Variants in SULF2 observed in about 807,000 individuals in gnomAD.
The protein encoded by SULF2 is sulfatase 2, also known as extracellular sulfatase Sulf-2.
A neutral mutation model predicts 107.7 loss-of-function variants in SULF2; 52 were observed. The observed-to-expected ratio is 0.48, with a 90% CI of 0.39 to 0.61. The LOEUF (loss-of-function observed/expected upper bound fraction) is 0.61, where lower values mean the gene tolerates loss of function less well. SULF2 is among the 20% of genes least tolerant of loss of function. The pLI, the probability that SULF2 is intolerant of heterozygous loss-of-function variation, is 0.00. For synonymous variants in SULF2, 460 were observed against 464.3 expected, an observed-to-expected ratio of 0.99 and a Z score of 0.12; for missense variants, 993 against 1,177.3, an observed-to-expected ratio of 0.84 and a Z score of 2.29.
At chr20:47,676,725 T>C in intron 9 of SULF2, 102 bp from the exon 10 acceptor site, 1 of 1,443,314 alleles carries the variant, frequency 6.9e-7, no homozygotes, top group Non-Finnish European at 9.3e-7. Flanking sequence ...CGGCTCCGGC[T>C]TTTCCTCACA....
rs8182748 is a variant in SULF2 at position 47,707,149 on chromosome 20, T to C, written c.416-4479A>G. Reference sequence around the variant, plus strand: ...GGATTACAGGCATGGCCACCACACCTGGCTAATTTTTGTATTTTTAGTAGA... The same window carrying C: ...GGATTACAGGCATGGCCACCACACCCGGCTAATTTTTGTATTTTTAGTAGA... On this transcript the variant is annotated intron_variant, in intron 3 of 20. Transcript: ENST00000688720. 3.1e-3 allele frequency among the ~76,000 whole-genome samples: 473 copies of C among 151,764 alleles called. 11 individuals carry two copies. In the South Asian group the frequency reaches 0.051, roughly 16 times the overall value.
chr20:47,730,578 G>C (rs932806460), intron 3 of SULF2, among the ~76,000 whole-genome samples: 4 of 152,022 alleles, frequency 2.6e-5, no homozygotes, highest in Non-Finnish European at 5.9e-5. Flanking sequence ...AGCCTCCCTA[G>C]TAGCTGGGAT....
At chr20:47,695,059 C>T (rs1351196740) in intron 4 of SULF2, among the ~76,000 whole-genome samples, 6 of 152,200 alleles carry the variant, frequency 3.9e-5, no homozygotes, top group Admixed American at 6.5e-5. Flanking sequence ...TGGTTTAGAG[C>T]AAGTATGCAC....
chr20:47,690,687 C>A lies in SULF2; in HGVS notation c.568-392G>T, dbSNP rs111320495. 4.3e-4 allele frequency among the ~76,000 whole-genome samples: 65 copies of A among 152,020 alleles called. No homozygotes were observed. The East Asian group carries it at 0.011, about 26-fold the overall frequency. ...CAGTTTGAGACCAGCCTGGCCAACA[C>A]GGTGAAACACCATCTCTACTAAAAA... is the stretch of plus-strand genomic sequence containing the variant. On this transcript the variant is annotated intron_variant, in intron 4 of 20. Coordinates refer to ENST00000688720, the MANE Select transcript of SULF2 (RefSeq NM_001387048.1).
rs529504601 is a variant in SULF2, at chr20:47,734,315, T to C, written c.415+2388A>G. Among the ~76,000 whole-genome samples, 30 of 152,338 alleles carry C rather than the reference T, an allele frequency of 2.0e-4. No individual in the cohort carries two copies. In the South Asian group the frequency reaches 4.8e-3, roughly 24 times the overall value. ...GGCCACGTGAACACAGGGTTTAACA[T>C]GGCTGAAGACTCAGCAGGAACAATT... On this transcript the variant is annotated intron_variant, in intron 3 of 20. Transcript: ENST00000688720.
intron 5 of SULF2, among the ~76,000 whole-genome samples, chr20:47,686,760 G>A (rs532068769): frequency 2.0e-5 from 3 of 152,296 alleles, no homozygotes; most frequent in East Asian, 3.9e-4. Context: ...TATGTAAGGC[G>A]GGAGGTGAGT....
chr20:47,660,260 G>C (rs1373779498), intron 18 of SULF2, among the ~76,000 whole-genome samples: 1 of 152,252 alleles, frequency 6.6e-6, no homozygotes, highest in African/African-American at 2.4e-5. Context: ...CTGGCACACA[G>C]TGACTAATAT....
chr20:47,756,742 T>C (rs11086227), intron 2 of SULF2, among the ~76,000 whole-genome samples: 21,494 of 151,396 alleles, frequency 0.14, 1,924 homozygotes, highest in South Asian at 0.38. Context: ...TTCTCCTGGA[T>C]TCAAGTGATT....
chr20:47,699,276 T>C (rs2088483946), intron 4 of SULF2, among the ~76,000 whole-genome samples: 1 of 152,100 alleles, frequency 6.6e-6, no homozygotes, highest in African/African-American at 2.4e-5. Context: ...GCATGGTACC[T>C]GGTACACAGC....
intron 2 of SULF2, among the ~76,000 whole-genome samples, chr20:47,741,285 G>T (rs1310642945): frequency 1.3e-5 from 2 of 149,758 alleles, no homozygotes; most frequent in East Asian, 3.9e-4. Context: ...GCAGCCACAG[G>T]GTCCCCTGCT....
chr20:47,663,206 G>C lies in SULF2; in HGVS notation c.2234C>G (p.Pro745Arg), dbSNP rs1224714383. The part of the protein sequence containing the change: ...WQTAPFWTLG[P>R]FCACTSANNN... The stretch of plus-strand genomic sequence containing the variant: ...GTTGGCGCTGGTGCAGGCACAGAAA[G>C]GCCCCACTGCCAAGGAAGAGAGAGC... The change falls in exon 17 of 21, where the codon CCT becomes CGT. Residue 745 changes from proline (P) to arginine (R), a missense_variant. This residue lies in a region of SULF2 where 497 missense variants were observed against 544.1 expected (regional missense o/e 0.91). Transcript: ENST00000688720. 6.2e-7 allele frequency: 1 copy of C among 1,614,110 alleles called. No homozygotes were observed. Among genetic ancestry groups the C allele is most frequent in the East Asian group, 2.2e-5 (1 of 44,890 alleles).
At chr20:47,742,013 C>T (rs1323290446) in intron 2 of SULF2, among the ~76,000 whole-genome samples, 1 of 152,222 alleles carries the variant, frequency 6.6e-6, no homozygotes, top group Non-Finnish European at 1.5e-5. Context: ...AGCACTCACC[C>T]TTCCCAAATC....
chr20:47,722,686 C>T (rs1381052484), intron 3 of SULF2, among the ~76,000 whole-genome samples: 1 of 152,112 alleles, frequency 6.6e-6, no homozygotes, highest in Non-Finnish European at 1.5e-5. Flanking sequence ...AATCCCAGCA[C>T]TTTGGGAGGC....
intron 1 of SULF2, among the ~76,000 whole-genome samples, chr20:47,761,061 G>A (rs756927145): frequency 2.6e-5 from 4 of 152,142 alleles, no homozygotes; most frequent in African/African-American, 4.8e-5. Flanking sequence ...CAGTGTGCTG[G>A]GACTAGAGCC....
At chr20:47,751,775 T>C (rs933800272) in intron 2 of SULF2, among the ~76,000 whole-genome samples, 5 of 152,220 alleles carry the variant, frequency 3.3e-5, no homozygotes, top group African/African-American at 9.6e-5. Flanking sequence ...ACTGAGAGAA[T>C]CCAGGCTGAC....
At chr20:47,757,573 A>G (rs371372096) in intron 1 of SULF2, 110 bp from the exon 2 acceptor site, 19 of 578,018 alleles carry the variant, frequency 3.3e-5, no homozygotes, top group East Asian at 1.2e-4. Flanking sequence ...GTTTCTTTGA[A>G]CAGGGGTGGC....
chr20:47,704,916 C>G (rs2088682029), intron 3 of SULF2, among the ~76,000 whole-genome samples: 1 of 152,180 alleles, frequency 6.6e-6, no homozygotes, highest in Admixed American at 6.5e-5. Flanking sequence ...GAGGAGAGGA[C>G]AACCTATCCA....
chr20:47,657,975 CT>C lies in SULF2; in HGVS notation c.*386del. 3.8e-6 allele frequency: 1 copy of C among 263,120 alleles called. No homozygotes were observed. Among genetic ancestry groups the C allele is most frequent in the Non-Finnish European group, 7.3e-6 (1 of 136,918 alleles). The allele number at this position is 263,120 out of a possible 1,614,324, so 16.3% of individuals were successfully genotyped here. ...AATAAGAGGATTTAGAACAGGACTGCTTTTCCCCTATGATTTAAAAATTCCA... is the reference window on the plus strand; with the variant it reads ...AATAAGAGGATTTAGAACAGGACTGCTTTCCCCTATGATTTAAAAATTCCA... On this transcript the variant is annotated 3_prime_UTR_variant, in exon 21 of 21. Coordinates refer to ENST00000688720, the MANE Select transcript of SULF2 (RefSeq NM_001387048.1).
intron 3 of SULF2, among the ~76,000 whole-genome samples, chr20:47,704,562 C>T (rs748312086): frequency 1.3e-5 from 2 of 152,128 alleles, no homozygotes; most frequent in African/African-American, 2.4e-5. Context: ...CGAGAGCCAC[C>T]GTGTCTGGCT....
Sources: gnomAD v4.1 joint callset for allele counts (sites outside exome capture counted in the v4.1 genomes callset) on GRCh38, gnomAD v4.1.1 for gene constraint, gnomAD v4.1.1 regional missense constraint, MANE v1.5 for transcripts, NCBI Gene and HGNC (gene_info 2026-07-23, HGNC 2026-07-21) for gene names.